Variants in GRID2 observed in about 807,000 individuals in gnomAD.
The protein encoded by GRID2 is glutamate receptor ionotropic, delta-2.
A neutral mutation model predicts 114.8 loss-of-function variants in GRID2; 33 were observed. The ratio of observed to expected loss-of-function variants is 0.29; its 90% CI spans 0.22 to 0.38. The LOEUF is 0.38. Ranked by LOEUF, GRID2 falls within the 10% of genes least tolerant of loss-of-function variation. The pLI, the probability that GRID2 is intolerant of heterozygous loss-of-function variation, is 1.00. For missense variants in GRID2, 1,184 were observed against 1,257.7 expected (o/e 0.94, Z 0.89); for synonymous variants, 505 against 449.9 (o/e 1.12, Z -1.55).
intron 1 of GRID2, among the ~76,000 whole-genome samples, chr4:92,357,413 G>T (rs1728380371): frequency 6.6e-6 from 1 of 151,722 alleles, no homozygotes; most frequent in African/African-American, 2.4e-5. Flanking sequence ...TTTAAAATTT[G>T]AAAATAATTC....
chr4:92,851,952 C>T (rs1386242038), intron 2 of GRID2, among the ~76,000 whole-genome samples: 1 of 151,820 alleles, frequency 6.6e-6, no homozygotes, highest in Non-Finnish European at 1.5e-5. Flanking sequence ...GAAATCAATT[C>T]GTAAATATTT....
At chr4:93,608,289 T>A (rs944056850) in intron 13 of GRID2, among the ~76,000 whole-genome samples, 9 of 66,010 alleles carry the variant, frequency 1.4e-4, no homozygotes, top group African/African-American at 3.6e-4. Flanking sequence ...GAAAATTATT[T>A]TTTTTTCTTT....
intron 10 of GRID2, among the ~76,000 whole-genome samples, chr4:93,430,156 G>A (rs1285365430): frequency 1.3e-5 from 2 of 151,880 alleles, no homozygotes; most frequent in Non-Finnish European, 2.9e-5. Context: ...TTTACCGGGA[G>A]GCTTTATAAA....
chr4:93,677,557 C>G (rs182804188), intron 14 of GRID2, among the ~76,000 whole-genome samples: 6 of 152,238 alleles, frequency 3.9e-5, no homozygotes, highest in Non-Finnish European at 8.8e-5. Context: ...ACACCTCGCA[C>G]GGCCGGGCAC....
chr4:92,693,104 G>A (rs1378262168), intron 2 of GRID2, among the ~76,000 whole-genome samples: 2 of 151,228 alleles, frequency 1.3e-5, no homozygotes, highest in African/African-American at 2.4e-5. Flanking sequence ...AAAATCTATA[G>A]TAATGCAGTT....
intron 8 of GRID2, among the ~76,000 whole-genome samples, chr4:93,260,303 A>T (rs1195260233): frequency 6.6e-6 from 1 of 151,566 alleles, no homozygotes; most frequent in Non-Finnish European, 1.5e-5. Flanking sequence ...AGAAAAAATA[A>T]TAAAGTTTCT....
At chr4:92,420,362 A>C (rs1219933339) in intron 1 of GRID2, among the ~76,000 whole-genome samples, 1 of 152,176 alleles carries the variant, frequency 6.6e-6, no homozygotes, top group Non-Finnish European at 1.5e-5. Context: ...TTAAATTTAT[A>C]GAATCAAATA....
intron 4 of GRID2, among the ~76,000 whole-genome samples, chr4:93,162,500 G>C (rs551754378): frequency 1.3e-5 from 2 of 151,860 alleles, no homozygotes; most frequent in South Asian, 4.1e-4. Flanking sequence ...CTTCCTTCTT[G>C]TGTTTTCTTT....
At chr4:93,791,595 C>G (rs987251147) in intron 1 of GRID2, among the ~76,000 whole-genome samples, 1 of 152,044 alleles carries the variant, frequency 6.6e-6, no homozygotes, top group African/African-American at 2.4e-5. Context: ...GTTTGTTTTT[C>G]AAATTAAAAT....
intron 1 of GRID2, among the ~76,000 whole-genome samples, chr4:92,328,113 A>G (rs1579186702): frequency 6.6e-6 from 1 of 152,086 alleles, no homozygotes; most frequent in East Asian, 1.9e-4. Context: ...ATGTCAAATA[A>G]TAGCAAAAAC....
At chr4:93,660,052 TA>T (rs997205322) in intron 14 of GRID2, among the ~76,000 whole-genome samples, 40 of 150,590 alleles carry the variant, frequency 2.7e-4, no homozygotes, top group Admixed American at 8.0e-4. Context: ...GAGGCTTTTC[TA>T]AAAAAAAAAT....
intron 13 of GRID2, among the ~76,000 whole-genome samples, chr4:93,568,403 G>C (rs1001866271): frequency 2.0e-5 from 3 of 152,082 alleles, no homozygotes; most frequent in Admixed American, 2.0e-4. Flanking sequence ...ATGTTACAAA[G>C]ACTGGAGGTG....
At chr4:93,565,804 G>A (rs1735354562) in intron 13 of GRID2, among the ~76,000 whole-genome samples, 1 of 152,032 alleles carries the variant, frequency 6.6e-6, no homozygotes, top group African/African-American at 2.4e-5. Context: ...AAATTCTTAG[G>A]AATCAGTTTA....
chr4:93,142,059 C>T (rs1358819370), intron 4 of GRID2, among the ~76,000 whole-genome samples: 2 of 152,042 alleles, frequency 1.3e-5, no homozygotes, highest in East Asian at 1.9e-4. Flanking sequence ...TACAAAAATA[C>T]AAAAATTAGC....
intron 8 of GRID2, among the ~76,000 whole-genome samples, chr4:93,349,782 A>C (rs1209699085): frequency 6.6e-6 from 1 of 152,094 alleles, no homozygotes; most frequent in East Asian, 1.9e-4. Context: ...AACCGAAAAC[A>C]AATAAACTAA....
At chr4:92,648,426 T>G (rs1731753118) in intron 2 of GRID2, among the ~76,000 whole-genome samples, 1 of 149,354 alleles carries the variant, frequency 6.7e-6, no homozygotes, top group Non-Finnish European at 1.5e-5. Flanking sequence ...CTCTCCACAT[T>G]ATTTCACAAT....
intron 2 of GRID2, among the ~76,000 whole-genome samples, chr4:92,688,273 C>G (rs191159469): frequency 2.6e-5 from 4 of 151,630 alleles, no homozygotes; most frequent in Non-Finnish European, 5.9e-5. Flanking sequence ...TGGTCTCGAA[C>G]TCCCGACCTC....
intron 3 of GRID2, among the ~76,000 whole-genome samples, chr4:93,098,381 G>A (rs537376930): frequency 4.7e-4 from 72 of 152,002 alleles, no homozygotes; most frequent in African/African-American, 1.3e-3. Context: ...ATTGGCAGTC[G>A]TTCCAGGCAG....
At chr4:93,591,062 A>T (rs367857867) in intron 13 of GRID2, among the ~76,000 whole-genome samples, 1 of 148,144 alleles carries the variant, frequency 6.8e-6, no homozygotes, top group Non-Finnish European at 1.5e-5. Flanking sequence ...TCTCCTGCCT[A>T]ATTGCCCTGG....
Sources: gnomAD v4.1 joint callset for allele counts (sites outside exome capture counted in the v4.1 genomes callset) on GRCh38, gnomAD v4.1.1 for gene constraint, MANE v1.5 for transcripts, NCBI Gene and HGNC (gene_info 2026-07-23, HGNC 2026-07-21) for gene names.